Variants in CPPED1 observed in about 807,000 individuals in gnomAD.
CPPED1 encodes serine/threonine-protein phosphatase CPPED1.
In CPPED1, 28 loss-of-function variants were observed where a neutral mutation model predicts 28.0. The observed-to-expected ratio is 1.00, with a 90% CI of 0.74 to 1.37. CPPED1 has a LOEUF of 1.37. Ranked by LOEUF, CPPED1 falls within the 40% of genes most tolerant of loss-of-function variation. CPPED1 has a pLI of 0.00. For missense variants in CPPED1, 504 were observed against 416.5 expected (o/e 1.21, Z -1.83); for synonymous variants, 198 against 180.2 (o/e 1.10, Z -0.79).
intron 3 of CPPED1, among the ~76,000 whole-genome samples, chr16:12,692,515 C>G (rs1239381024): frequency 7.9e-5 from 12 of 152,194 alleles, no homozygotes; most frequent in Admixed American, 6.5e-4. Flanking sequence ...ATTATTTCAT[C>G]TGATCCCCAC....
intron 3 of CPPED1, among the ~76,000 whole-genome samples, chr16:12,667,945 G>A (rs2079834205): frequency 6.6e-6 from 1 of 152,108 alleles, no homozygotes; most frequent in South Asian, 2.1e-4. Flanking sequence ...ATAAAATTGT[G>A]GTACAGCAAA....
In CPPED1 at chr16:12,711,456, G is replaced by A. The variant is rs374368874; in HGVS notation, c.290-6407C>T. On this transcript the variant is annotated intron_variant, in intron 2 of 3. Coordinates refer to ENST00000381774, the MANE Select transcript of CPPED1 (RefSeq NM_018340.3). ...AGGAATATACTTCATGCCACTGAAC[G>A]GTACACTTAAAATGGTTAAGGTGGT... 7.2e-5 allele frequency among the ~76,000 whole-genome samples: 11 copies of A among 152,264 alleles called. No homozygotes were observed. The East Asian group carries it at 9.6e-4, about 13-fold the overall frequency.
chr16:12,722,693 T>C (rs1186216392), intron 2 of CPPED1, among the ~76,000 whole-genome samples: 1 of 152,098 alleles, frequency 6.6e-6, no homozygotes, highest in Non-Finnish European at 1.5e-5. Flanking sequence ...ACCACTGGAC[T>C]CCAACCTGGA....
At chr16:12,747,309 G>A (rs1037024387) in intron 2 of CPPED1, among the ~76,000 whole-genome samples, 1 of 151,954 alleles carries the variant, frequency 6.6e-6, no homozygotes, top group African/African-American at 2.4e-5. Flanking sequence ...ACTGGCATCT[G>A]TAGTCCCAGC....
chr16:12,710,957 T>C (rs942391783), intron 2 of CPPED1, among the ~76,000 whole-genome samples: 8 of 152,178 alleles, frequency 5.3e-5, no homozygotes, highest in African/African-American at 1.9e-4. Context: ...AACGTAGGAT[T>C]ACCAGATAAT....
chr16:12,733,201 A>C (rs1471661037), intron 2 of CPPED1, among the ~76,000 whole-genome samples: 3 of 152,218 alleles, frequency 2.0e-5, no homozygotes, highest in Non-Finnish European at 2.9e-5. Context: ...CTCTGTTGTG[A>C]ATGATGTTTA....
chr16:12,685,427 G>C (rs1347142931), intron 3 of CPPED1, among the ~76,000 whole-genome samples: 2 of 152,172 alleles, frequency 1.3e-5, no homozygotes, highest in Non-Finnish European at 2.9e-5. Flanking sequence ...TCCAGCCTGG[G>C]TGACAGAGCG....
intron 2 of CPPED1, among the ~76,000 whole-genome samples, chr16:12,743,790 G>A (rs911267424): frequency 3.3e-5 from 5 of 152,002 alleles, no homozygotes; most frequent in Admixed American, 6.6e-5. Flanking sequence ...GATCACTTGA[G>A]CCCAGGAGTT....
chr16:12,741,581 G>C (rs1307581429), intron 2 of CPPED1, among the ~76,000 whole-genome samples: 2 of 152,222 alleles, frequency 1.3e-5, no homozygotes, highest in Middle Eastern at 3.4e-3. Context: ...GAGTAGGTTG[G>C]GTACATGAAT....
At chr16:12,768,872 T>C (rs1596478236) in intron 2 of CPPED1, among the ~76,000 whole-genome samples, 1 of 151,174 alleles carries the variant, frequency 6.6e-6, no homozygotes, top group African/African-American at 2.4e-5. Flanking sequence ...TTTTTCTTTT[T>C]TTTTTTTTTT....
At chr16:12,798,254 T>A (rs2080638930) in intron 1 of CPPED1, among the ~76,000 whole-genome samples, 1 of 152,222 alleles carries the variant, frequency 6.6e-6, no homozygotes, top group Non-Finnish European at 1.5e-5. Context: ...GTTGAGAAAG[T>A]AATCATAAGC....
At chr16:12,714,603 T>C (rs117788220) in intron 2 of CPPED1, among the ~76,000 whole-genome samples, 3,187 of 152,352 alleles carry the variant, frequency 0.021, 49 homozygotes, top group Non-Finnish European at 0.033. Context: ...GAAATGTCTA[T>C]TCAGATACTT....
chr16:12,733,223 G>A (rs1268860547), intron 2 of CPPED1, among the ~76,000 whole-genome samples: 5 of 151,192 alleles, frequency 3.3e-5, no homozygotes, highest in Non-Finnish European at 5.9e-5. Flanking sequence ...AATAACATAT[G>A]TACAGGCAAG....
intron 3 of CPPED1, among the ~76,000 whole-genome samples, chr16:12,686,568 C>T (rs1295743419): frequency 6.6e-6 from 1 of 152,164 alleles, no homozygotes; most frequent in African/African-American, 2.4e-5. Context: ...ACCCTCTTGC[C>T]TTCAGTAGGA....
chr16:12,786,817 G>A (rs946315702), intron 1 of CPPED1, among the ~76,000 whole-genome samples: 6 of 152,216 alleles, frequency 3.9e-5, no homozygotes, highest in South Asian at 2.1e-4. Context: ...TACTCAGGAG[G>A]CCGGAGAATC....
chr16:12,793,342 C>T (rs2080607804), intron 1 of CPPED1, among the ~76,000 whole-genome samples: 1 of 152,142 alleles, frequency 6.6e-6, no homozygotes, highest in South Asian at 2.1e-4. Flanking sequence ...AGTACCCAGA[C>T]CCTAAGTCAC....
At chr16:12,691,309 G>A (rs940271890) in intron 3 of CPPED1, among the ~76,000 whole-genome samples, 3 of 152,104 alleles carry the variant, frequency 2.0e-5, no homozygotes, top group Admixed American at 2.0e-4. Flanking sequence ...TTGAGACGTA[G>A]TCTCACTCTG....
At chr16:12,787,390 A>G (rs986976655) in intron 1 of CPPED1, among the ~76,000 whole-genome samples, 3 of 145,392 alleles carry the variant, frequency 2.1e-5, no homozygotes, top group Non-Finnish European at 4.5e-5. Context: ...GAATATCCAG[A>G]ATGAATTTTT....
At chr16:12,723,704 C>A (rs775963324) in intron 2 of CPPED1, among the ~76,000 whole-genome samples, 11 of 152,196 alleles carry the variant, frequency 7.2e-5, no homozygotes, top group Non-Finnish European at 1.6e-4. Flanking sequence ...CAGGGAGGGA[C>A]GACAGTGAGG....
Sources: allele counts gnomAD v4.1 joint callset (sites outside exome capture counted in the v4.1 genomes callset), GRCh38; gene constraint gnomAD v4.1.1; transcripts MANE v1.5; gene names NCBI Gene and HGNC (gene_info 2026-07-23, HGNC 2026-07-21).